Variants in CES4A observed in about 807,000 individuals in gnomAD.
CES4A encodes the protein carboxylesterase 6.
CES4A carries 48 observed loss-of-function variants against 65.4 expected under a neutral mutation model. The observed-to-expected ratio is 0.73, with a 90% confidence interval of 0.58 to 0.93. The LOEUF (loss-of-function observed/expected upper bound fraction) is 0.93. Ranked by LOEUF, CES4A falls within the 40% of genes least tolerant of loss-of-function variation. The pLI, the probability that CES4A is intolerant of heterozygous loss-of-function variation, is 0.00. For missense variants in CES4A, 685 were observed against 728.5 expected, an observed-to-expected ratio of 0.94 and a Z score of 0.69; for synonymous variants, 247 against 281.8, an observed-to-expected ratio of 0.88 and a Z score of 1.24.
At chr16:66,999,708 A>T (rs1205568459) in intron 2 of CES4A, among the ~76,000 whole-genome samples, 1 of 152,174 alleles carries the variant, frequency 6.6e-6, no homozygotes, top group Non-Finnish European at 1.5e-5. Context: ...AGATTGAGGT[A>T]GGAGAATTGC....
chr16:66,997,816 A>T (rs1046775352), intron 2 of CES4A, among the ~76,000 whole-genome samples: 1 of 152,082 alleles, frequency 6.6e-6, no homozygotes, highest in Non-Finnish European at 1.5e-5. Flanking sequence ...CAAGAAATTT[A>T]AAAAATTAGC....
intron 1 of CES4A, among the ~76,000 whole-genome samples, chr16:66,992,543 C>T (rs1163676985): frequency 6.6e-6 from 1 of 152,184 alleles, no homozygotes; most frequent in African/African-American, 2.4e-5. Context: ...TTGCAATGAT[C>T]CTCCAGGTGA....
At chr16:67,010,014 G>C (rs1270621441), downstream of CES4A, among the ~76,000 whole-genome samples, 1 of 151,306 alleles carries the variant, frequency 6.6e-6, no homozygotes, top group Non-Finnish European at 1.5e-5. Context: ...CTCTCCTGCA[G>C]CCCGTGTGTA....
exon 14 of CES4A, chr16:67,009,159 A>G: frequency 6.2e-7 from 1 of 1,606,408 alleles, no homozygotes. Context: ...CTATGCAGGA[A>G]GGAGCCAAAG....
intron 13 of CES4A, chr16:67,007,089 T>C (rs545951816): frequency 2.3e-6 from 1 of 426,428 alleles, no homozygotes; most frequent in South Asian, 4.0e-5. Flanking sequence ...CCAGCCCCAG[T>C]ACTGGGAGCT....
intron 2 of CES4A, among the ~76,000 whole-genome samples, chr16:66,999,825 G>A (rs1488775172): frequency 2.6e-5 from 4 of 152,132 alleles, no homozygotes; most frequent in East Asian, 3.9e-4. Flanking sequence ...ACAGGATGTC[G>A]GGAGGCACAG....
exon 11 of CES4A, chr16:67,005,276 G>A (rs776763460): frequency 6.2e-7 from 1 of 1,614,066 alleles, no homozygotes; most frequent in Non-Finnish European, 8.5e-7. Flanking sequence ...TGTGGTGGAG[G>A]AGTACCTGGA....
intron 2 of CES4A, among the ~76,000 whole-genome samples, chr16:66,997,276 A>C (rs1049759036): frequency 2.0e-5 from 3 of 152,110 alleles, no homozygotes; most frequent in Admixed American, 6.6e-5. Flanking sequence ...TAGAGGTTAG[A>C]GTGTTCACTG....
At chr16:67,010,157 C>G (rs1966061256), downstream of CES4A, among the ~76,000 whole-genome samples, 1 of 151,282 alleles carries the variant, frequency 6.6e-6, no homozygotes, top group South Asian at 2.1e-4. Flanking sequence ...CCTCAGTCTC[C>G]CGAGTTCAAG....
At chr16:66,988,982 C>G (rs1484613467) in intron 1 of CES4A, 152 bp downstream of exon 1, 2 of 933,672 alleles carry the variant, frequency 2.1e-6, no homozygotes, top group African/African-American at 3.3e-5. Context: ...GGACACTAAA[C>G]CATCTACCAG....
Position 67,003,283 on chromosome 16 carries a change from C to T in CES4A, c.823C>T (p.His275Tyr). 6.2e-7 allele frequency: 1 copy of T among 1,614,142 alleles called. No individual in the cohort carries two copies. The highest frequency in any genetic ancestry group is 8.5e-7 in the Non-Finnish European group (1 of 1,180,028). The change falls in exon 7 of 14, where the codon CAC (histidine) becomes TAC (tyrosine). Residue 275 changes from histidine (H) to tyrosine (Y), a missense_variant. Coordinates refer to ENST00000648724, the Ensembl canonical transcript of CES4A. The surrounding 1 kb of genome is among the most constrained non-coding windows in gnomAD (Gnocchi z 4.2). The stretch of plus-strand genomic sequence containing the variant: ...GGTTGCCCACCTGGCTGGATGCAAC[C>T]ACAACAGCACACAGATCCTGGTAAA...
intron 8 of CES4A, 80 bp from the exon 9 acceptor site, chr16:67,004,004 C>G: frequency 6.7e-7 from 1 of 1,483,082 alleles, no homozygotes. Context: ...CTAGAGCAGC[C>G]TCTGAAGGGG....
At chr16:66,993,928 TGTCTCTACTAA>T (rs1285964301) in intron 1 of CES4A, among the ~76,000 whole-genome samples, 1 of 151,318 alleles carries the variant, frequency 6.6e-6, no homozygotes, top group Non-Finnish European at 1.5e-5. Context: ...GGTGAAACCG[TGTCTCTACTAA>T]AAATACAAAA....
At chr16:67,005,065 C>T in intron 10 of CES4A, 175 bp from the exon 11 acceptor site, 1 of 778,206 alleles carries the variant, frequency 1.3e-6, no homozygotes, top group Non-Finnish European at 2.1e-6. Flanking sequence ...GGCAGTTATG[C>T]AGCAAAATCA....
rs1597093480 is a variant in CES4A at position 67,004,671 on chromosome 16, G to A, written c.1081-122G>A. The A allele has an allele frequency of 4.0e-6, 3 of 750,296 alleles. No homozygotes were observed. In the East Asian group the frequency reaches 8.1e-5, roughly 20 times the overall value. 46.5% of individuals were successfully genotyped at this position (750,296 alleles called of 1,614,324 possible). On this transcript the variant is annotated intron_variant, in intron 9 of 13. Coordinates refer to ENST00000648724, the Ensembl canonical transcript of CES4A. ...GAGAGTCATGGGCCCTTCCTGGGCT[G>A]TGTGCTGTGTCTGATAACTCATCAT...
intron 5 of CES4A, among the ~76,000 whole-genome samples, chr16:67,002,498 G>A (rs1036274716): frequency 6.6e-6 from 1 of 152,152 alleles, no homozygotes; most frequent in Admixed American, 6.5e-5. Flanking sequence ...ATGGCTCAGA[G>A]TGATCCAGGA....
chr16:66,995,979 C>A, intron 2 of CES4A, 150 bp downstream of exon 2: 2 of 724,406 alleles, frequency 2.8e-6, no homozygotes, highest in South Asian at 3.1e-5. Context: ...AGACCCGTAT[C>A]ATGAGCAAAC....
At position 67,005,239 on chromosome 16, in the gene CES4A, G is replaced by A. The variant is rs1245230526; in HGVS notation, c.1162-1G>A. 1 of 1,614,086 alleles carries A rather than the reference G, an allele frequency of 6.2e-7. No homozygotes were observed. Among genetic ancestry groups the A allele is most frequent in the East Asian group, 2.2e-5 (1 of 44,886 alleles). On this transcript the variant is annotated splice_acceptor_variant, in intron 10 of 13. Coordinates refer to ENST00000648724, the Ensembl canonical transcript of CES4A. LOFTEE classifies it high-confidence loss of function. ...CAGGTAAGTGTGGCCTCCTCACTCA[G>A]AATATCACCAAGGAGCAGGTACCAC...
In CES4A at chr16:67,005,329, G is replaced by A. The variant is rs368377831; in HGVS notation, c.1251G>A (p.Met417Ile). ...ACTGGAAGATGCTACGAAACCGTAT[G>A]ATGGACATAGTTCAAGATGCCACTT... Residue 417 changes from methionine (M) to isoleucine (I), a missense_variant, in exon 11 of 14, where the codon ATG (methionine) becomes ATA (isoleucine). Met to Ile is a conservative substitution (Grantham distance 10). Transcript: ENST00000648724. The A allele has an allele frequency of 3.1e-6, 5 of 1,614,020 alleles. No homozygotes were observed. In the African/African-American group the frequency reaches 6.7e-5, roughly 22 times the overall value.
Sources: gnomAD v4.1 joint callset for allele counts (sites outside exome capture counted in the v4.1 genomes callset) on GRCh38, gnomAD v4.1.1 for gene constraint, Gnocchi (gnomAD v3.1) non-coding constraint, MANE v1.5 for transcripts, NCBI Gene and HGNC (gene_info 2026-07-23, HGNC 2026-07-21) for gene names.